Variants in CNKSR3 observed in about 807,000 individuals in gnomAD.
The protein encoded by CNKSR3 is connector enhancer of kinase suppressor of ras 3.
In CNKSR3, 36 loss-of-function variants were observed where a neutral mutation model predicts 67.7. That is an observed-to-expected ratio of 0.53 (90% confidence interval 0.41 to 0.70). The LOEUF (loss-of-function observed/expected upper bound fraction) is 0.70. CNKSR3 is among the 30% of genes least tolerant of loss of function. CNKSR3 has a pLI of 0.00. For missense variants in CNKSR3, 630 were observed against 695.2 expected (o/e 0.91, Z 1.05); for synonymous variants, 281 against 271.4 (o/e 1.04, Z -0.35).
At chr6:154,484,695 C>CAAAAAAAA (rs1166789172) in intron 1 of CNKSR3, among the ~76,000 whole-genome samples, 1 of 65,520 alleles carries the variant, frequency 1.5e-5, no homozygotes. Context: ...GAGCAAGACT[C>CAAAAAAAA]AAAAAAAAAA....
intron 9 of CNKSR3, among the ~76,000 whole-genome samples, chr6:154,416,249 G>C (rs1184580122): frequency 6.6e-6 from 1 of 152,158 alleles, no homozygotes; most frequent in Non-Finnish European, 1.5e-5. Context: ...CAGTGTGACG[G>C]AGCTAGACAT....
chr6:154,466,794 G>GTT (rs543631005), intron 1 of CNKSR3, among the ~76,000 whole-genome samples: 86 of 144,972 alleles, frequency 5.9e-4, no homozygotes, highest in African/African-American at 1.0e-3. Context: ...TAATTTTTTT[G>GTT]TTTTTTTTTT....
intron 4 of CNKSR3, 27 bp downstream of exon 4, chr6:154,441,265 A>T: frequency 9.2e-6 from 12 of 1,306,886 alleles, no homozygotes; most frequent in African/African-American, 1.6e-5. Flanking sequence ...AAAAAAAAAA[A>T]GAAAGTGAAA....
At chr6:154,460,610 A>AG (rs1392145702) in intron 1 of CNKSR3, among the ~76,000 whole-genome samples, 2 of 152,110 alleles carry the variant, frequency 1.3e-5, no homozygotes, top group East Asian at 3.9e-4. Context: ...AGGGGAGGGG[A>AG]GGGGAAGAGA....
intron 1 of CNKSR3, among the ~76,000 whole-genome samples, chr6:154,466,276 A>G (rs1260942151): frequency 6.6e-6 from 1 of 152,202 alleles, no homozygotes; most frequent in Admixed American, 6.5e-5. Flanking sequence ...GTATATCCTA[A>G]GGGCTCCAGA....
intron 1 of CNKSR3, among the ~76,000 whole-genome samples, chr6:154,474,999 C>T (rs184900987): frequency 5.3e-4 from 81 of 152,302 alleles, no homozygotes; most frequent in African/African-American, 1.9e-3. Flanking sequence ...ATTTACTGAG[C>T]ATATACTATG....
At chr6:154,421,725 C>A (rs1457408348) in intron 9 of CNKSR3, among the ~76,000 whole-genome samples, 1 of 152,138 alleles carries the variant, frequency 6.6e-6, no homozygotes, top group African/African-American at 2.4e-5. Context: ...CTGCACTCAC[C>A]GCCCCCAACC....
Position 154,397,018 on chromosome 6 carries a change from G to A in CNKSR3, c.*9336C>T, listed in dbSNP as rs1784668427. 2.0e-5 allele frequency: 3 copies of A among 151,832 alleles called. No individual in the cohort carries two copies. Among genetic ancestry groups the A allele is most frequent in the Admixed American group, 1.3e-4 (2 of 15,242 alleles). The allele number at this position is 151,832 out of a possible 1,614,324, so 9.4% of individuals were successfully genotyped here. ...AGACGGGGTTTCACCGTGTTAGCCA[G>A]GATGGTCTCGATCTCCTGACCTTGT... On this transcript the variant is annotated 3_prime_UTR_variant, in exon 13 of 13. Coordinates refer to ENST00000607772, the MANE Select transcript of CNKSR3 (RefSeq NM_173515.4).
rs547258869 is a variant in CNKSR3 at position 154,423,038 on chromosome 6, T to C, written c.730-55A>G. 862 of 1,171,456 alleles carry C rather than the reference T, an allele frequency of 7.4e-4. 1 individual carries two copies. The highest frequency in any genetic ancestry group is 9.6e-4 in the Non-Finnish European group (775 of 806,980). The allele number at this position is 1,171,456 out of a possible 1,614,324, so 72.6% of individuals were successfully genotyped here. ...TTCTTTTAAACCTTCTATTTCTTTC[T>C]GCTTTTATTTCTTCTTTCTTCTGTA... On this transcript the variant is annotated intron_variant, in intron 7 of 12. Transcript: ENST00000607772.
At chr6:154,418,330 A>C (rs1253340313) in intron 9 of CNKSR3, among the ~76,000 whole-genome samples, 3 of 152,182 alleles carry the variant, frequency 2.0e-5, no homozygotes, top group Non-Finnish European at 4.4e-5. Flanking sequence ...ACATACCCTC[A>C]AAATTGCTTT....
intron 1 of CNKSR3, among the ~76,000 whole-genome samples, chr6:154,492,741 G>A (rs1174690585): frequency 8.2e-6 from 1 of 122,044 alleles, no homozygotes; most frequent in African/African-American, 3.2e-5. Flanking sequence ...GTGGGACTCT[G>A]TCTCAAAAAA....
At chr6:154,442,356 C>G (rs1003805172) in intron 2 of CNKSR3, 66 bp from the exon 3 acceptor site, 4 of 1,365,730 alleles carry the variant, frequency 2.9e-6, no homozygotes, top group South Asian at 1.2e-5. Flanking sequence ...GGCGCGGTGG[C>G]TCACGCCTGT....
chr6:154,471,257 T>C (rs1786324788), intron 1 of CNKSR3, among the ~76,000 whole-genome samples: 1 of 152,202 alleles, frequency 6.6e-6, no homozygotes, highest in South Asian at 2.1e-4. Flanking sequence ...TAAATATGTG[T>C]TGCTTGCCAT....
At chr6:154,442,044 C>CGA in intron 3 of CNKSR3, 44 bp downstream of exon 3, 1 of 1,518,224 alleles carries the variant, frequency 6.6e-7, no homozygotes. Context: ...AGCTTGGACT[C>CGA]TATCTACTCT....
In CNKSR3 at chr6:154,410,764, G is replaced by A. The variant is rs6915474; in HGVS notation, c.1279+170C>T. 0.045 allele frequency among the ~76,000 whole-genome samples: 6,883 copies of A among 152,154 alleles called. 208 individuals carry two copies. The highest frequency in any genetic ancestry group is 0.071 in the African/African-American group (2,942 of 41,488). ...CAGAGTAATGACTCAACAAGGATCCGCTTGACAGAGATGAATAAAGGTCTC... is the reference window on the plus strand; with the variant it reads ...CAGAGTAATGACTCAACAAGGATCCACTTGACAGAGATGAATAAAGGTCTC... On this transcript the variant is annotated intron_variant, in intron 11 of 12. Transcript: ENST00000607772.
At chr6:154,488,590 G>T (rs540916825) in intron 1 of CNKSR3, among the ~76,000 whole-genome samples, 1 of 152,218 alleles carries the variant, frequency 6.6e-6, no homozygotes, top group East Asian at 1.9e-4. Context: ...TTCTAGGGAT[G>T]GATCTTTTTA....
intron 1 of CNKSR3, among the ~76,000 whole-genome samples, chr6:154,473,642 C>T (rs6934541): frequency 0.17 from 25,597 of 152,068 alleles, 2,709 homozygotes; most frequent in African/African-American, 0.3. Flanking sequence ...CGACAGAGCC[C>T]GGCTCTTACA....
At chr6:154,431,088 G>A (rs1422047304) in intron 5 of CNKSR3, among the ~76,000 whole-genome samples, 21 of 151,434 alleles carry the variant, frequency 1.4e-4, no homozygotes, top group Non-Finnish European at 3.1e-4. Flanking sequence ...TCCACCACCA[G>A]CCTCCATTCC....
At chr6:154,434,821 T>C (rs997193916) in intron 4 of CNKSR3, among the ~76,000 whole-genome samples, 1 of 152,194 alleles carries the variant, frequency 6.6e-6, no homozygotes, top group Non-Finnish European at 1.5e-5. Context: ...TCCAATTCTA[T>C]CTTGTAGATA....
Sources: allele counts gnomAD v4.1 joint callset (sites outside exome capture counted in the v4.1 genomes callset), GRCh38; gene constraint gnomAD v4.1.1; transcripts MANE v1.5; gene names NCBI Gene and HGNC (gene_info 2026-07-23, HGNC 2026-07-21).